The following SMIM18 variants were observed in gnomAD, a reference collection of about 807,000 sequenced individuals.
SMIM18 encodes the protein small integral membrane protein 18.
Under a neutral mutation model 5.9 loss-of-function variants are expected in SMIM18, and 4 were observed. The observed-to-expected ratio is 0.68, with a 90% CI of 0.33 to 1.56. The LOEUF (loss-of-function observed/expected upper bound fraction) is 1.56, where lower values mean the gene tolerates loss of function less well. SMIM18 is among the 40% of genes most tolerant of loss of function. The probability of loss-of-function intolerance (pLI) is 0.06; values close to 1 mark genes in which losing one functional copy is unlikely to be tolerated. For missense variants in SMIM18, 89 were observed against 109.7 expected (o/e 0.81, Z 0.84); for synonymous variants, 37 against 37.4 (o/e 0.99, Z 0.04).
chr8:30,642,243 T>A (rs987002571), intron 1 of SMIM18, among the ~76,000 whole-genome samples: 1 of 148,568 alleles, frequency 6.7e-6, no homozygotes, highest in Non-Finnish European at 1.5e-5. Flanking sequence ...CTAGATGTGT[T>A]ACATTTTGAA....
rs1563508572 is a variant in SMIM18, at chr8:30,645,345, T to G, written c.36T>G (p.Ser12=). ...ASSHWNETTT[S]VYQYLGFQVQ... Reference sequence around the variant, plus strand: ...GCCACTGGAATGAAACCACTACCTCTGTTTATCAGTACCTTGGTTTTCAAG... The same window carrying G: ...GCCACTGGAATGAAACCACTACCTCGGTTTATCAGTACCTTGGTTTTCAAG... Residue 12 remains serine (S), a synonymous_variant, in exon 3 of 3, where the codon TCT becomes TCG. Transcript: ENST00000517349. 2 of 1,535,720 alleles carry G rather than the reference T, an allele frequency of 1.3e-6. No homozygotes were observed. Among genetic ancestry groups the G allele is most frequent in the East Asian group, 4.9e-5 (2 of 40,906 alleles).
Position 30,645,478 on chromosome 8 carries a change from GA to G in SMIM18, c.171del (p.Val58CysfsTer8), listed in dbSNP as rs1802034736. On this transcript the variant is annotated frameshift_variant, in exon 3 of 3. Coordinates refer to ENST00000517349, the MANE Select transcript of SMIM18 (RefSeq NM_001206847.2). LOFTEE classifies it high-confidence loss of function. ...VSLVVLAFLY[E>X]VLDCCCCVKN... ...TTTAGTGGTGCTGGCTTTCCTTTAT[GA>G]AGTGCTTGACTGCTGCTGCTGTGTA... The G allele has an allele frequency of 1.1e-5, 17 of 1,535,488 alleles. No individual in the cohort carries two copies. The highest frequency in any genetic ancestry group is 1.4e-5 in the African/African-American group (1 of 73,014).
At chr8:30,641,410 G>A (rs950205997) in intron 1 of SMIM18, among the ~76,000 whole-genome samples, 33 of 152,066 alleles carry the variant, frequency 2.2e-4, no homozygotes, top group African/African-American at 6.5e-4. Context: ...TCACCCAGGC[G>A]GGAGTGCAAT....
chr8:30,639,856 C>T (rs1037743656), intron 1 of SMIM18, among the ~76,000 whole-genome samples: 1 of 151,584 alleles, frequency 6.6e-6, no homozygotes, highest in African/African-American at 2.4e-5. Context: ...CCAAAGGTTG[C>T]TGTAATAAGA....
Position 30,645,295 on chromosome 8 carries a change from G to A in SMIM18, c.-15G>A. ...CTTTTTTATAGATTCAAAAGAGCAAGTGGAATCTCTAAGAATGGCTTCCAG... is the reference window on the plus strand; with the variant it reads ...CTTTTTTATAGATTCAAAAGAGCAAATGGAATCTCTAAGAATGGCTTCCAG... On this transcript the variant is annotated 5_prime_UTR_variant, in exon 3 of 3. In the 5' UTR this introduces an upstream ATG that the reference lacks. Transcript: ENST00000517349. 6.5e-7 allele frequency: 1 copy of A among 1,528,880 alleles called. No individual in the cohort carries two copies. The highest frequency in any genetic ancestry group is 8.7e-7 in the Non-Finnish European group (1 of 1,144,414). 94.7% of individuals were successfully genotyped at this position (1,528,880 alleles called of 1,614,324 possible). A position where few individuals can be genotyped will look rare whatever the true frequency, so the allele number is the denominator to read the frequency against.
rs1436643710 is a variant in SMIM18, at chr8:30,638,641, T to G, written c.-111+2T>G. The G allele has an allele frequency of 6.6e-6, 1 of 152,544 alleles. No individual in the cohort carries two copies. Among genetic ancestry groups the G allele is most frequent in the Non-Finnish European group, 1.5e-5 (1 of 68,018 alleles). The allele number at this position is 152,544 out of a possible 1,614,324, so 9.4% of individuals were successfully genotyped here. The stretch of plus-strand genomic sequence containing the variant: ...CAGCAGCATCCTCTCAGACAAGAGG[T>G]AGGTTTATATGATCTTTTTTATTTA... On this transcript the variant is annotated splice_donor_variant, in intron 1 of 2. Transcript: ENST00000517349. LOFTEE classifies it low-confidence loss of function (5UTR_SPLICE).
chr8:30,645,656 A>T lies in SMIM18; in HGVS notation c.*59A>T, dbSNP rs1374979562. On this transcript the variant is annotated 3_prime_UTR_variant, in exon 3 of 3. Coordinates refer to ENST00000517349, the MANE Select transcript of SMIM18 (RefSeq NM_001206847.2). ...CAGCTCAACCTCTTCTGAGAAAAAA[A>T]ATATATTCTGAGGCCAACTGTTGCT... The T allele has an allele frequency of 1.4e-6, 2 of 1,451,000 alleles. No homozygotes were observed. The highest frequency in any genetic ancestry group is 9.1e-7 in the Non-Finnish European group (1 of 1,096,812). The allele number at this position is 1,451,000 out of a possible 1,614,324, so 89.9% of individuals were successfully genotyped here. A position where few individuals can be genotyped will look rare whatever the true frequency, so the allele number is the denominator to read the frequency against.
rs1173589655 is a variant in SMIM18, at chr8:30,645,730, A to T, written c.*133A>T. ...GTTAAAACATTTCTAGTAGAAGGGGAAAAAAAAGTTAAACATGCACTGTTT... is the reference window on the plus strand; with the variant it reads ...GTTAAAACATTTCTAGTAGAAGGGGTAAAAAAAGTTAAACATGCACTGTTT... On this transcript the variant is annotated 3_prime_UTR_variant, in exon 3 of 3. Coordinates refer to ENST00000517349, the MANE Select transcript of SMIM18 (RefSeq NM_001206847.2). 4.5e-6 allele frequency: 4 copies of T among 883,488 alleles called. No individual in the cohort carries two copies. The highest frequency in any genetic ancestry group is 6.7e-6 in the Non-Finnish European group (4 of 600,050). The allele number at this position is 883,488 out of a possible 1,614,324, so 54.7% of individuals were successfully genotyped here.
At chr8:30,640,224 C>T (rs1801765318) in intron 1 of SMIM18, among the ~76,000 whole-genome samples, 1 of 152,150 alleles carries the variant, frequency 6.6e-6, no homozygotes, top group Non-Finnish European at 1.5e-5. Flanking sequence ...TAACTGATCA[C>T]ATTTCAAAGT....
At chr8:30,641,546 G>T (rs1323921987) in intron 1 of SMIM18, among the ~76,000 whole-genome samples, 1 of 152,038 alleles carries the variant, frequency 6.6e-6, no homozygotes, top group African/African-American at 2.4e-5. Flanking sequence ...TTTTTGTAGA[G>T]ACAGGGCCTC....
At chr8:30,642,649 A>C (rs573371551) in intron 1 of SMIM18, among the ~76,000 whole-genome samples, 1 of 142,056 alleles carries the variant, frequency 7.0e-6, no homozygotes, top group African/African-American at 2.6e-5. Flanking sequence ...TGCAGATACA[A>C]GCAAATAAGA....
chr8:30,644,898 A>G (rs1376777029), intron 2 of SMIM18, among the ~76,000 whole-genome samples: 1 of 151,954 alleles, frequency 6.6e-6, no homozygotes, highest in Non-Finnish European at 1.5e-5. Flanking sequence ...CTATAGGCAC[A>G]CACCACCATG....
chr8:30,639,694 A>G (rs1006195231), intron 1 of SMIM18, among the ~76,000 whole-genome samples: 1 of 152,148 alleles, frequency 6.6e-6, no homozygotes, highest in African/African-American at 2.4e-5. Flanking sequence ...TCTATATACT[A>G]TATCGGACCT....
chr8:30,644,297 T>C (rs577247640), intron 1 of SMIM18, among the ~76,000 whole-genome samples, 195 bp from the exon 2 acceptor site: 2 of 152,280 alleles, frequency 1.3e-5, no homozygotes, highest in Non-Finnish European at 2.9e-5. Flanking sequence ...ACTGATACCT[T>C]TGGGAGGGCT....
chr8:30,645,802 T>C lies in SMIM18; in HGVS notation c.*205T>C, dbSNP rs1802054434. On this transcript the variant is annotated 3_prime_UTR_variant, in exon 3 of 3. Transcript: ENST00000517349. ...AATATACAGTAAAACTTCATGAATG[T>C]GAATTTACTAATCTGTTTAATACTG... is the stretch of plus-strand genomic sequence containing the variant. 2 of 541,966 alleles carry C rather than the reference T, an allele frequency of 3.7e-6. No individual in the cohort carries two copies. Among genetic ancestry groups the C allele is most frequent in the Non-Finnish European group, 6.4e-6 (2 of 310,982 alleles). 33.6% of individuals were successfully genotyped at this position (541,966 alleles called of 1,614,324 possible).
Position 30,638,617 on chromosome 8 carries a change from A to C in SMIM18, c.-133A>C, listed in dbSNP as rs1185141705. 1 of 152,690 alleles carries C rather than the reference A, an allele frequency of 6.5e-6. No individual in the cohort carries two copies. Among genetic ancestry groups the C allele is most frequent in the African/African-American group, 2.4e-5 (1 of 41,470 alleles). 9.5% of individuals were successfully genotyped at this position (152,690 alleles called of 1,614,324 possible). On this transcript the variant is annotated 5_prime_UTR_variant, in exon 1 of 3. Transcript: ENST00000517349. Reference sequence around the variant, plus strand: ...TACAAACAGACGATACCATCGCTTCAGCAGCATCCTCTCAGACAAGAGGTA... The same window carrying C: ...TACAAACAGACGATACCATCGCTTCCGCAGCATCCTCTCAGACAAGAGGTA...
intron 1 of SMIM18, among the ~76,000 whole-genome samples, 175 bp from the exon 2 acceptor site, chr8:30,644,317 T>A (rs1360386622): frequency 6.6e-6 from 1 of 152,210 alleles, no homozygotes; most frequent in African/African-American, 2.4e-5. Context: ...TGAATTTGTC[T>A]GTTTTTTTAA....
chr8:30,644,158 T>C (rs370900652), intron 1 of SMIM18, among the ~76,000 whole-genome samples: 2 of 152,208 alleles, frequency 1.3e-5, no homozygotes, highest in Non-Finnish European at 2.9e-5. Flanking sequence ...TATAGTTCCA[T>C]ACTGACAAAT....
chr8:30,642,145 G>A (rs1243638720), intron 1 of SMIM18, among the ~76,000 whole-genome samples: 2 of 152,188 alleles, frequency 1.3e-5, no homozygotes, highest in African/African-American at 2.4e-5. Context: ...GAAAGCAAAG[G>A]AATACTCAGC....
Sources: gnomAD v4.1 joint callset for allele counts (sites outside exome capture counted in the v4.1 genomes callset) on GRCh38, gnomAD v4.1.1 for gene constraint, MANE v1.5 for transcripts, NCBI Gene and HGNC (gene_info 2026-07-23, HGNC 2026-07-21) for gene names.